FRMD5: variants seen among roughly 807,000 people sequenced by gnomAD.
FRMD5 encodes the protein FERM domain-containing protein 5.
In FRMD5, 20 loss-of-function variants were observed where a neutral mutation model predicts 69.0. That is an observed-to-expected ratio of 0.29 (90% confidence interval 0.20 to 0.42). FRMD5 has a LOEUF of 0.42. Ranked by LOEUF, FRMD5 falls within the 10% of genes least tolerant of loss-of-function variation. The pLI is 1.00. For missense variants in FRMD5, 595 were observed against 708.6 expected, an observed-to-expected ratio of 0.84 and a Z score of 1.82; for synonymous variants, 271 against 260.1, an observed-to-expected ratio of 1.04 and a Z score of -0.40.
At chr15:44,187,101 C>T (rs959647622) in intron 1 of FRMD5, among the ~76,000 whole-genome samples, 1 of 152,164 alleles carries the variant, frequency 6.6e-6, no homozygotes, top group Non-Finnish European at 1.5e-5. Context: ...TTTCAAACAT[C>T]GGCTAAATGT....
rs193129050 is a variant in FRMD5, at chr15:43,871,440, C to G, written c.*2445G>C. ...ACTCACTGCATAGAAACACCAGATTCTACAAACTGAGGTAGGAGCACTACA... is the reference window on the plus strand; with the variant it reads ...ACTCACTGCATAGAAACACCAGATTGTACAAACTGAGGTAGGAGCACTACA... On this transcript the variant is annotated 3_prime_UTR_variant, in exon 14 of 14. Transcript: ENST00000417257. 6 of 152,328 alleles carry G rather than the reference C, an allele frequency of 3.9e-5. No individual in the cohort carries two copies. In the East Asian group the frequency reaches 1.2e-3, roughly 29 times the overall value. 9.4% of individuals were successfully genotyped at this position (152,328 alleles called of 1,614,324 possible). A position where few individuals can be genotyped will look rare whatever the true frequency, so the allele number is the denominator to read the frequency against.
At chr15:43,960,084 ATTTTGTTTTG>A (rs1265880532) in intron 1 of FRMD5, among the ~76,000 whole-genome samples, 1 of 151,552 alleles carries the variant, frequency 6.6e-6, no homozygotes, top group Non-Finnish European at 1.5e-5. Context: ...TGCCCAGCTA[ATTTTGTTTTG>A]TTTTGTTTTT....
chr15:44,125,342 A>G (rs2077011709), intron 1 of FRMD5, among the ~76,000 whole-genome samples: 1 of 152,070 alleles, frequency 6.6e-6, no homozygotes. Flanking sequence ...TTTCATCCTC[A>G]TCTATGGGTC....
chr15:43,929,049 A>C (rs748745504), intron 1 of FRMD5, among the ~76,000 whole-genome samples: 1 of 152,218 alleles, frequency 6.6e-6, no homozygotes, highest in Non-Finnish European at 1.5e-5. Context: ...ATACTAGTGC[A>C]TATAGGTACA....
chr15:43,893,304 C>T (rs567789801), intron 7 of FRMD5, among the ~76,000 whole-genome samples: 21 of 152,152 alleles, frequency 1.4e-4, no homozygotes, highest in Non-Finnish European at 2.5e-4. Flanking sequence ...TTGCCACCAG[C>T]CCTGAGGTGC....
chr15:43,945,752 T>C (rs572665240), intron 1 of FRMD5, among the ~76,000 whole-genome samples: 1 of 152,296 alleles, frequency 6.6e-6, no homozygotes, highest in South Asian at 2.1e-4. Flanking sequence ...CTCTGCCCCC[T>C]GCCCCCCAGA....
intron 1 of FRMD5, among the ~76,000 whole-genome samples, chr15:44,124,152 C>T (rs1189524802): frequency 6.6e-6 from 1 of 151,904 alleles, no homozygotes; most frequent in Non-Finnish European, 1.5e-5. Context: ...ACCACCATGC[C>T]TGGCTATTTT....
chr15:43,884,161 C>T lies in FRMD5; in HGVS notation c.1029-352G>A, dbSNP rs1159947142. On this transcript the variant is annotated intron_variant, in intron 12 of 13. Transcript: ENST00000417257. ...GACCAATACTGGCAGCCTCCCCTGACTTCCAATAGAGGCTGCTGATGACAG... is the reference window on the plus strand; with the variant it reads ...GACCAATACTGGCAGCCTCCCCTGATTTCCAATAGAGGCTGCTGATGACAG... Among the ~76,000 whole-genome samples the T allele has an allele frequency of 2.0e-5, 3 of 152,280 alleles. No homozygotes were observed. The East Asian group carries it at 5.8e-4, about 29-fold the overall frequency.
chr15:44,142,641 G>A (rs917399895), intron 1 of FRMD5, among the ~76,000 whole-genome samples: 11 of 152,224 alleles, frequency 7.2e-5, no homozygotes, highest in African/African-American at 2.2e-4. Flanking sequence ...AACTGGTAAC[G>A]CTAAGAAATG....
intron 1 of FRMD5, among the ~76,000 whole-genome samples, chr15:43,988,060 C>T (rs1889482615): frequency 1.3e-5 from 2 of 152,074 alleles, no homozygotes; most frequent in African/African-American, 4.8e-5. Context: ...GTTCATGCTC[C>T]TATGAGAATC....
chr15:43,895,352 G>A (rs572170080), intron 7 of FRMD5, among the ~76,000 whole-genome samples: 8 of 152,320 alleles, frequency 5.3e-5, no homozygotes, highest in African/African-American at 1.7e-4. Flanking sequence ...TCAGAGATCC[G>A]CCAGAGTCCT....
At chr15:44,183,803 G>A (rs971892638) in intron 1 of FRMD5, among the ~76,000 whole-genome samples, 18 of 152,138 alleles carry the variant, frequency 1.2e-4, no homozygotes, top group East Asian at 5.8e-4. Context: ...TCAACATGGC[G>A]AAACCCTGTC....
chr15:44,168,634 T>C (rs2077749326), intron 1 of FRMD5, among the ~76,000 whole-genome samples: 1 of 152,244 alleles, frequency 6.6e-6, no homozygotes, highest in East Asian at 1.9e-4. Flanking sequence ...ATCTTTATTG[T>C]CCAATCAGAG....
intron 1 of FRMD5, among the ~76,000 whole-genome samples, chr15:44,077,590 AC>A (rs1893822317): frequency 6.6e-6 from 1 of 151,990 alleles, no homozygotes; most frequent in Non-Finnish European, 1.5e-5. Context: ...CTAACTTTTT[AC>A]CTTTTAATAA....
At chr15:43,928,334 T>C (rs533613004) in intron 1 of FRMD5, among the ~76,000 whole-genome samples, 3 of 152,276 alleles carry the variant, frequency 2.0e-5, no homozygotes, top group East Asian at 1.9e-4. Flanking sequence ...GAGGTAGACA[T>C]AGAATTCCAT....
At chr15:44,191,682 G>C (rs540267716) in intron 1 of FRMD5, among the ~76,000 whole-genome samples, 3 of 151,578 alleles carry the variant, frequency 2.0e-5, no homozygotes, top group Non-Finnish European at 4.4e-5. Context: ...GCTGAGGCGA[G>C]AGAATCACTT....
chr15:44,054,723 A>G (rs982060847), intron 1 of FRMD5, among the ~76,000 whole-genome samples: 4 of 152,148 alleles, frequency 2.6e-5, no homozygotes, highest in Admixed American at 2.0e-4. Context: ...GTCAGTTTTC[A>G]AAAAGGTAAT....
chr15:44,174,906 G>A (rs1489802902), intron 1 of FRMD5, among the ~76,000 whole-genome samples: 2 of 152,056 alleles, frequency 1.3e-5, no homozygotes, highest in African/African-American at 4.8e-5. Flanking sequence ...GCCTGTTGGG[G>A]GGTTGGGAGG....
intron 1 of FRMD5, among the ~76,000 whole-genome samples, chr15:44,140,021 T>C (rs2140441877): frequency 6.6e-6 from 1 of 152,030 alleles, no homozygotes; most frequent in East Asian, 1.9e-4. Context: ...TACACATAAA[T>C]ATATACACAT....
Sources: allele counts gnomAD v4.1 joint callset (sites outside exome capture counted in the v4.1 genomes callset), GRCh38; gene constraint gnomAD v4.1.1; transcripts MANE v1.5; gene names NCBI Gene and HGNC (gene_info 2026-07-23, HGNC 2026-07-21).